Variants in KCNJ3 observed in about 807,000 individuals in gnomAD.
The protein encoded by KCNJ3 is potassium inwardly rectifying channel subfamily J member 3, also known as G protein-activated inward rectifier potassium channel 1.
In KCNJ3, 4 loss-of-function variants were observed where a neutral mutation model predicts 39.2. The observed-to-expected ratio is 0.10, with a 90% CI of 0.05 to 0.23. The LOEUF is 0.23. Ranked by LOEUF, KCNJ3 falls within the 10% of genes least tolerant of loss-of-function variation. KCNJ3 has a pLI of 1.00. For missense variants in KCNJ3, 276 were observed against 634.9 expected (o/e 0.43, Z 6.08); for synonymous variants, 230 against 237.4 (o/e 0.97, Z 0.29).
chr2:154,765,268 G>C (rs749191556), intron 2 of KCNJ3, among the ~76,000 whole-genome samples: 2 of 152,130 alleles, frequency 1.3e-5, no homozygotes, highest in African/African-American at 4.8e-5. Context: ...ATTAAGGAAG[G>C]CTTCTTTTAT....
At chr2:154,724,426 A>G (rs1284167859) in intron 2 of KCNJ3, among the ~76,000 whole-genome samples, 1 of 152,122 alleles carries the variant, frequency 6.6e-6, no homozygotes, top group Admixed American at 6.6e-5. Context: ...AACGAAATGC[A>G]TTTAAACTGA....
chr2:154,813,146 C>T (rs897285158), intron 2 of KCNJ3, among the ~76,000 whole-genome samples: 2 of 152,160 alleles, frequency 1.3e-5, no homozygotes, highest in Admixed American at 1.3e-4. Context: ...TCATTCATAA[C>T]TTAGTAGTTA....
At chr2:154,815,776 T>C (rs2105105449) in intron 2 of KCNJ3, among the ~76,000 whole-genome samples, 1 of 152,384 alleles carries the variant, frequency 6.6e-6, no homozygotes, top group South Asian at 2.1e-4. Context: ...TCAGCCATAC[T>C]GGACAGAATA....
chr2:154,698,700 CTTA>C lies in KCNJ3; in HGVS notation c.-73_-71del. On this transcript the variant is annotated 5_prime_UTR_variant, in exon 1 of 3. Transcript: ENST00000295101. ...CCCTTTCCTCCCCCGCCCCCACCTC[CTTA>C]TTGGTGCTAGTTTGCAGCGCCCAGC... 1.2e-6 allele frequency: 1 copy of C among 856,926 alleles called. No homozygotes were observed. Among genetic ancestry groups the C allele is most frequent in the Non-Finnish European group, 1.9e-6 (1 of 533,712 alleles). The allele number at this position is 856,926 out of a possible 1,614,324, so 53.1% of individuals were successfully genotyped here.
At chr2:154,756,744 G>A (rs551301787) in intron 2 of KCNJ3, among the ~76,000 whole-genome samples, 4 of 151,700 alleles carry the variant, frequency 2.6e-5, no homozygotes, top group South Asian at 4.2e-4. Flanking sequence ...CATGTACCCC[G>A]GAACTTAAAG....
intron 2 of KCNJ3, among the ~76,000 whole-genome samples, chr2:154,731,236 A>G (rs1167161460): frequency 1.3e-5 from 2 of 152,110 alleles, no homozygotes; most frequent in African/African-American, 2.4e-5. Flanking sequence ...ACAGGGTGTG[A>G]GAACTCTGAA....
intron 2 of KCNJ3, among the ~76,000 whole-genome samples, chr2:154,735,295 T>G (rs1333545384): frequency 6.6e-6 from 1 of 151,432 alleles, no homozygotes; most frequent in Admixed American, 6.6e-5. Flanking sequence ...TTTGTATTTT[T>G]AGTAGAGACT....
intron 2 of KCNJ3, among the ~76,000 whole-genome samples, chr2:154,825,220 C>T (rs935152551): frequency 2.0e-5 from 3 of 152,140 alleles, no homozygotes; most frequent in Non-Finnish European, 4.4e-5. Flanking sequence ...CCTTTGGAAG[C>T]CTTCTCACTC....
intron 2 of KCNJ3, among the ~76,000 whole-genome samples, chr2:154,730,973 A>T (rs1429852571): frequency 1.3e-5 from 2 of 152,156 alleles, no homozygotes; most frequent in Non-Finnish European, 2.9e-5. Flanking sequence ...AAGTAAGAAT[A>T]TAATTCATTT....
In KCNJ3 at chr2:154,792,485, G is replaced by A. The variant is rs375608594; in HGVS notation, c.920-62242G>A. Among the ~76,000 whole-genome samples, 48 of 152,156 alleles carry A rather than the reference G, an allele frequency of 3.2e-4. No homozygotes were observed. The South Asian group carries it at 8.9e-3, about 28-fold the overall frequency. On this transcript the variant is annotated intron_variant, in intron 2 of 2. Coordinates refer to ENST00000295101, the MANE Select transcript of KCNJ3 (RefSeq NM_002239.4). ...CCTGTGTCTGCTGTCAAAGTCTATGGAGCTTGACAAGCTAATCTGTTAGTT... is the reference window on the plus strand; with the variant it reads ...CCTGTGTCTGCTGTCAAAGTCTATGAAGCTTGACAAGCTAATCTGTTAGTT...
chr2:154,820,586 T>C (rs1687155954), intron 2 of KCNJ3, among the ~76,000 whole-genome samples: 1 of 152,156 alleles, frequency 6.6e-6, no homozygotes, highest in Non-Finnish European at 1.5e-5. Flanking sequence ...TTTAGTATTG[T>C]GAACAAAAGT....
intron 2 of KCNJ3, among the ~76,000 whole-genome samples, chr2:154,835,172 G>C (rs1180552620): frequency 6.6e-6 from 1 of 151,472 alleles, no homozygotes; most frequent in Non-Finnish European, 1.5e-5. Flanking sequence ...CATTAAGTAG[G>C]CTCAGAAAAA....
intron 2 of KCNJ3, among the ~76,000 whole-genome samples, chr2:154,799,806 G>C (rs534018630): frequency 6.6e-6 from 1 of 152,252 alleles, no homozygotes; most frequent in Admixed American, 6.5e-5. Context: ...ATACTCATCA[G>C]TGTTCTCTGT....
intron 2 of KCNJ3, among the ~76,000 whole-genome samples, chr2:154,745,815 A>G (rs956102904): frequency 2.6e-5 from 4 of 152,002 alleles, no homozygotes; most frequent in Non-Finnish European, 5.9e-5. Context: ...TTCCTTTCAT[A>G]CTACTTGAAC....
chr2:154,822,229 G>A (rs909635512), intron 2 of KCNJ3, among the ~76,000 whole-genome samples: 1 of 152,130 alleles, frequency 6.6e-6, no homozygotes, highest in Non-Finnish European at 1.5e-5. Flanking sequence ...GGTGGAATAA[G>A]TCAAATGTAC....
intron 2 of KCNJ3, among the ~76,000 whole-genome samples, chr2:154,837,868 C>G (rs975010580): frequency 2.0e-5 from 3 of 152,206 alleles, no homozygotes; most frequent in Non-Finnish European, 4.4e-5. Flanking sequence ...GAAACTGCTA[C>G]TTGCCTTTCC....
In KCNJ3 at chr2:154,846,359, T is replaced by A. The variant is rs369681518; in HGVS notation, c.920-8368T>A. Among the ~76,000 whole-genome samples the A allele has an allele frequency of 1.1e-3, 170 of 152,310 alleles. 1 individual carries two copies. In the Middle Eastern group the frequency reaches 0.054, roughly 49 times the overall value. On this transcript the variant is annotated intron_variant, in intron 2 of 2. Transcript: ENST00000295101. Reference sequence around the variant, plus strand: ...AATATATCTGAACTAATCTTTTAATTAATTGGAACCTTAATAATCATGACT... The same window carrying A: ...AATATATCTGAACTAATCTTTTAATAAATTGGAACCTTAATAATCATGACT...
chr2:154,705,006 G>A (rs1684977274), intron 1 of KCNJ3, among the ~76,000 whole-genome samples: 1 of 152,156 alleles, frequency 6.6e-6, no homozygotes, highest in Non-Finnish European at 1.5e-5. Flanking sequence ...CAGACCACTG[G>A]CCCTGTGGGC....
At chr2:154,737,961 A>G (rs1268895539) in intron 2 of KCNJ3, among the ~76,000 whole-genome samples, 1 of 152,302 alleles carries the variant, frequency 6.6e-6, no homozygotes, top group African/African-American at 2.4e-5. Flanking sequence ...ACATTAAGAC[A>G]TACCATGATT....
Sources: gnomAD v4.1 joint callset for allele counts (sites outside exome capture counted in the v4.1 genomes callset) on GRCh38, gnomAD v4.1.1 for gene constraint, MANE v1.5 for transcripts, NCBI Gene and HGNC (gene_info 2026-07-23, HGNC 2026-07-21) for gene names.